Variants in ARFGEF3 observed in about 807,000 individuals in gnomAD.
ARFGEF3 encodes the protein ARFGEF family member 3.
A neutral mutation model predicts 221.7 loss-of-function variants in ARFGEF3; 96 were observed. That is an observed-to-expected ratio of 0.43 (90% confidence interval 0.37 to 0.51). ARFGEF3 has a LOEUF of 0.51. Ranked by LOEUF, ARFGEF3 falls within the 20% of genes least tolerant of loss-of-function variation. ARFGEF3 has a pLI of 0.00. For missense variants in ARFGEF3, 2,410 were observed against 2,789.9 expected, an observed-to-expected ratio of 0.86 and a Z score of 3.07; for synonymous variants, 1,145 against 1,126.8, an observed-to-expected ratio of 1.02 and a Z score of -0.32.
chr6:138,241,704 A>G (rs1778395788), intron 6 of ARFGEF3, among the ~76,000 whole-genome samples: 1 of 152,238 alleles, frequency 6.6e-6, no homozygotes, highest in African/African-American at 2.4e-5. Flanking sequence ...GGAAGGTTAA[A>G]TGCAGTGGAA....
At chr6:138,270,427 GACACACACACACACAC>G (rs3044804) in intron 12 of ARFGEF3, among the ~76,000 whole-genome samples, 4,152 of 139,502 alleles carry the variant, frequency 0.03, 186 homozygotes, top group African/African-American at 0.11. Context: ...ATTTTACGTA[GACACACACACACACAC>G]ACACACACAC....
intron 26 of ARFGEF3, among the ~76,000 whole-genome samples, chr6:138,315,377 C>T (rs1166902704): frequency 1.3e-5 from 2 of 152,150 alleles, no homozygotes; most frequent in East Asian, 3.8e-4. Flanking sequence ...CTGTCCTGTT[C>T]TACATCTAGA....
rs1779408236 is a variant in ARFGEF3 at position 138,291,774 on chromosome 6, G to A, written c.3089G>A (p.Ser1030Asn). 2 of 1,458,436 alleles carry A rather than the reference G, an allele frequency of 1.4e-6. No homozygotes were observed. Among genetic ancestry groups the A allele is most frequent in the African/African-American group, 1.5e-5 (1 of 68,084 alleles). The allele number at this position is 1,458,436 out of a possible 1,614,324, so 90.3% of individuals were successfully genotyped here. Residue 1030 changes from serine to asparagine, a missense_variant, in exon 19 of 34, where the codon AGC becomes AAC. Physicochemically the swap from Ser to Asn is conservative, Grantham distance 46 (BLOSUM62 1). Transcript: ENST00000251691. This position sits in a 1 kb window ranked among gnomAD's most constrained non-coding sequence, Gnocchi z 4.5. The stretch of plus-strand genomic sequence containing the variant: ...GGCACCCTGGAGCACAACCACTTCA[G>A]CGATGGTGCCTCGCAGCCCCCTCTG... ...YVGTLEHNHF[S>N]DGASQPPLTI...
At position 138,341,788 on chromosome 6, in the gene ARFGEF3, C is replaced by T. The variant is rs1780434033; in HGVS notation, c.*5302C>T. On this transcript the variant is annotated 3_prime_UTR_variant, in exon 34 of 34. Coordinates refer to ENST00000251691, the MANE Select transcript of ARFGEF3 (RefSeq NM_020340.5). The stretch of plus-strand genomic sequence containing the variant: ...TTGGAACAGAACACCCTTTAGATTT[C>T]CAAAACACAATTCTTATTTCAGGGA... 6.6e-6 allele frequency: 1 copy of T among 152,120 alleles called. No homozygotes were observed. Among genetic ancestry groups the T allele is most frequent in the Non-Finnish European group, 1.5e-5 (1 of 68,002 alleles). 9.4% of individuals were successfully genotyped at this position (152,120 alleles called of 1,614,324 possible). A position where few individuals can be genotyped will look rare whatever the true frequency, so the allele number is the denominator to read the frequency against.
At chr6:138,220,080 G>A (rs949189254) in intron 4 of ARFGEF3, among the ~76,000 whole-genome samples, 11 of 151,910 alleles carry the variant, frequency 7.2e-5, no homozygotes, top group Admixed American at 4.6e-4. Context: ...ATGCAATCAC[G>A]CAATCACAGC....
chr6:138,259,973 T>C (rs1778757040), intron 10 of ARFGEF3, among the ~76,000 whole-genome samples: 1 of 152,178 alleles, frequency 6.6e-6, no homozygotes, highest in Non-Finnish European at 1.5e-5. Flanking sequence ...CCAGTGAAGC[T>C]GAATTTTAAA....
chr6:138,286,266 C>T (rs548540360), intron 15 of ARFGEF3, among the ~76,000 whole-genome samples: 6 of 152,148 alleles, frequency 3.9e-5, no homozygotes, highest in South Asian at 2.1e-4. Context: ...CTGGCTAACA[C>T]GGTGAAACCA....
At chr6:138,257,615 C>A (rs1034879507) in intron 10 of ARFGEF3, among the ~76,000 whole-genome samples, 4 of 152,144 alleles carry the variant, frequency 2.6e-5, no homozygotes, top group African/African-American at 9.7e-5. Context: ...TGACCCTAAT[C>A]CCACGGTCTT....
chr6:138,262,744 G>T lies in ARFGEF3; in HGVS notation c.1261G>T (p.Glu421Ter). The T allele has an allele frequency of 6.2e-7, 1 of 1,610,812 alleles. No individual in the cohort carries two copies. The highest frequency in any genetic ancestry group is 8.5e-7 in the Non-Finnish European group (1 of 1,177,250). The change falls in exon 12 of 34, where the codon GAA (glutamate) becomes TAA (stop). Residue 421 changes from glutamate (E) to a stop codon, truncating the protein, a stop_gained. Transcript: ENST00000251691. LOFTEE classifies it high-confidence loss of function. ...CGAAGCATGCATCAAGGGTGGCATC[G>T]AAGCTTGCTATGCAGCCGTGTCCTG... ...MTEACIKGGI[E>*]ACYAAVSCVC... is the part of the protein sequence containing the mutation.
intron 19 of ARFGEF3, among the ~76,000 whole-genome samples, chr6:138,293,756 T>C (rs1414824843): frequency 6.6e-6 from 1 of 152,234 alleles, no homozygotes; most frequent in African/African-American, 2.4e-5. Context: ...ATAGCGGAGC[T>C]AGACCATGAG....
At chr6:138,250,289 A>G (rs977492465) in intron 8 of ARFGEF3, among the ~76,000 whole-genome samples, 2 of 152,220 alleles carry the variant, frequency 1.3e-5, no homozygotes, top group African/African-American at 4.8e-5. Context: ...ATAGAATCCT[A>G]TGTTAGGCAA....
chr6:138,291,601 T>A lies in ARFGEF3; in HGVS notation c.3048-132T>A. 2.0e-6 allele frequency: 1 copy of A among 496,658 alleles called. No individual in the cohort carries two copies. Among genetic ancestry groups the A allele is most frequent in the Admixed American group, 4.3e-5 (1 of 23,486 alleles). The allele number at this position is 496,658 out of a possible 1,614,324, so 30.8% of individuals were successfully genotyped here. On this transcript the variant is annotated intron_variant, in intron 18 of 33. Transcript: ENST00000251691. The surrounding 1 kb of genome is among the most constrained non-coding windows in gnomAD (Gnocchi z 4.5). ...GAACACAGGAGGGAAGGACTGACTG[T>A]CATCACAGGAAAGAGGAAAGCTGGG...
intron 2 of ARFGEF3, among the ~76,000 whole-genome samples, chr6:138,185,245 C>T (rs1777159794): frequency 6.6e-6 from 1 of 152,134 alleles, no homozygotes; most frequent in African/African-American, 2.4e-5. Context: ...GTGAAAGGAG[C>T]CAGCCAGGGA....
intron 16 of ARFGEF3, 76 bp downstream of exon 16, chr6:138,286,992 G>T: frequency 6.3e-7 from 1 of 1,578,098 alleles, no homozygotes; most frequent in South Asian, 1.1e-5. Flanking sequence ...GTGGGGCAGG[G>T]GGACCCTTTA....
chr6:138,256,829 G>A (rs779731170), intron 10 of ARFGEF3, among the ~76,000 whole-genome samples: 21 of 151,996 alleles, frequency 1.4e-4, no homozygotes, highest in Non-Finnish European at 2.6e-4. Context: ...CTGTTGCCCA[G>A]GCTGGAGTGC....
At chr6:138,166,409 T>C (rs1027290722) in intron 1 of ARFGEF3, among the ~76,000 whole-genome samples, 2 of 152,250 alleles carry the variant, frequency 1.3e-5, no homozygotes, top group Admixed American at 6.5e-5. Flanking sequence ...TATGGCATAT[T>C]GTCATGTGTT....
At chr6:138,244,674 T>C (rs1042099205) in intron 7 of ARFGEF3, among the ~76,000 whole-genome samples, 1 of 152,240 alleles carries the variant, frequency 6.6e-6, no homozygotes, top group African/African-American at 2.4e-5. Flanking sequence ...CCATGTGCCC[T>C]GCAGATACTC....
At chr6:138,287,214 G>T in intron 17 of ARFGEF3, 30 bp downstream of exon 17, 1 of 1,512,642 alleles carries the variant, frequency 6.6e-7, no homozygotes, top group Non-Finnish European at 9.0e-7. Flanking sequence ...AACCCACCTG[G>T]TGCCTTGGGT....
Position 138,162,987 on chromosome 6 carries a change from C to G in ARFGEF3, c.85+816C>G, listed in dbSNP as rs372774183. ...AGCGCAGCTAGCTCTATGGGCTCCT[C>G]TCTCTGCCTTGCTGGAGCCTGATGT... On this transcript the variant is annotated intron_variant, in intron 1 of 33. Transcript: ENST00000251691. The surrounding 1 kb of genome is among the most constrained non-coding windows in gnomAD (Gnocchi z 4.7). 6.6e-6 allele frequency among the ~76,000 whole-genome samples: 1 copy of G among 152,342 alleles called. No individual in the cohort carries two copies. Among genetic ancestry groups the G allele is most frequent in the African/African-American group, 2.4e-5 (1 of 41,582 alleles).
Sources: gnomAD v4.1 joint callset for allele counts (sites outside exome capture counted in the v4.1 genomes callset) on GRCh38, gnomAD v4.1.1 for gene constraint, Gnocchi (gnomAD v3.1) non-coding constraint, MANE v1.5 for transcripts, NCBI Gene and HGNC (gene_info 2026-07-23, HGNC 2026-07-21) for gene names.